The following CACNA2D3 variants were observed in gnomAD, a reference collection of about 807,000 sequenced individuals.
The protein encoded by CACNA2D3 is voltage-dependent calcium channel subunit alpha-2/delta-3.
In CACNA2D3, 60 loss-of-function variants were observed where a neutral mutation model predicts 160.6. The ratio of observed to expected loss-of-function variants is 0.37; its 90% CI spans 0.30 to 0.46. The LOEUF (loss-of-function observed/expected upper bound fraction) is 0.46, where lower values mean the gene tolerates loss of function less well. Among genes scored for constraint, CACNA2D3 ranks in the 20% least tolerant of loss-of-function variants. The pLI, the probability that CACNA2D3 is intolerant of heterozygous loss-of-function variation, is 1.00. For missense variants in CACNA2D3, 1,205 were observed against 1,365.0 expected (o/e 0.88, Z 1.85); for synonymous variants, 558 against 492.9 (o/e 1.13, Z -1.75).
intron 11 of CACNA2D3, among the ~76,000 whole-genome samples, chr3:54,687,418 A>G (rs1700487081): frequency 1.3e-5 from 2 of 150,826 alleles, no homozygotes; most frequent in Admixed American, 6.6e-5. Flanking sequence ...CCAATGTGCC[A>G]GGATTATAGG....
intron 4 of CACNA2D3, among the ~76,000 whole-genome samples, chr3:54,478,368 CA>C (rs1443809851): frequency 1.3e-5 from 2 of 151,916 alleles, no homozygotes; most frequent in African/African-American, 4.8e-5. Flanking sequence ...CGCAGTGGCT[CA>C]CACCTGTAAT....
At chr3:54,486,413 T>C (rs1001245868) in intron 4 of CACNA2D3, among the ~76,000 whole-genome samples, 3 of 152,216 alleles carry the variant, frequency 2.0e-5, no homozygotes, top group Non-Finnish European at 4.4e-5. Context: ...AAGTGTTCAC[T>C]GCAGTGTTGC....
intron 27 of CACNA2D3, among the ~76,000 whole-genome samples, chr3:54,926,383 T>A (rs891310077): frequency 1.3e-5 from 2 of 152,104 alleles, no homozygotes; most frequent in African/African-American, 4.8e-5. Flanking sequence ...AGAGCTGTGA[T>A]AAGGACCAAG....
intron 11 of CACNA2D3, among the ~76,000 whole-genome samples, chr3:54,743,286 T>C (rs1000600921): frequency 2.0e-5 from 3 of 152,290 alleles, no homozygotes; most frequent in Admixed American, 1.3e-4. Flanking sequence ...AAGAATATAC[T>C]GAGTATCATG....
At chr3:55,056,955 G>T (rs1704375798) in intron 35 of CACNA2D3, among the ~76,000 whole-genome samples, 1 of 152,166 alleles carries the variant, frequency 6.6e-6, no homozygotes, top group Non-Finnish European at 1.5e-5. Flanking sequence ...AATCTCAAAT[G>T]CTCTCACCAT....
At chr3:54,479,533 C>T (rs915224847) in intron 4 of CACNA2D3, among the ~76,000 whole-genome samples, 4 of 152,160 alleles carry the variant, frequency 2.6e-5, no homozygotes, top group Non-Finnish European at 5.9e-5. Flanking sequence ...TGTTGCCAGC[C>T]TTAACTCTTC....
intron 35 of CACNA2D3, among the ~76,000 whole-genome samples, chr3:55,019,072 A>G (rs1334575847): frequency 1.7e-5 from 2 of 115,284 alleles, no homozygotes; most frequent in Admixed American, 1.5e-4. Context: ...CACACAATGC[A>G]TAGAAATTTT....
chr3:54,326,383 GT>G (rs1252938427), intron 3 of CACNA2D3, among the ~76,000 whole-genome samples: 1 of 152,090 alleles, frequency 6.6e-6, no homozygotes, highest in Admixed American at 6.5e-5. Context: ...ATACATCAGT[GT>G]TTTTATGGGA....
chr3:54,588,077 A>G (rs1258704824), intron 9 of CACNA2D3, among the ~76,000 whole-genome samples: 1 of 152,236 alleles, frequency 6.6e-6, no homozygotes, highest in Admixed American at 6.5e-5. Context: ...ATTTCAGCAC[A>G]TCAAACCCAA....
At position 54,661,018 on chromosome 3, in the gene CACNA2D3, C is replaced by T. The variant is rs556170398; in HGVS notation, c.1167+18777C>T. ...GTCCAGAGTGAATCCTGCTGCCTGC[C>T]GCTTGCCGAGCCTTATTGGGAAGCA... On this transcript the variant is annotated intron_variant, in intron 11 of 37. Transcript: ENST00000474759. 9.2e-5 allele frequency among the ~76,000 whole-genome samples: 14 copies of T among 152,260 alleles called. No homozygotes were observed. The East Asian group carries it at 1.5e-3, about 17-fold the overall frequency.
intron 11 of CACNA2D3, among the ~76,000 whole-genome samples, chr3:54,706,615 C>A (rs1700861658): frequency 6.6e-6 from 1 of 152,168 alleles, no homozygotes; most frequent in Non-Finnish European, 1.5e-5. Flanking sequence ...GTAGACTGTA[C>A]CTTTTACTGA....
chr3:54,874,790 G>C (rs963980784), intron 18 of CACNA2D3: 4 of 152,214 alleles, frequency 2.6e-5, no homozygotes, highest in African/African-American at 4.8e-5. Context: ...CATGGAGAGA[G>C]CCCTTAAGTC....
chr3:54,904,613 T>C (rs1246191996), intron 27 of CACNA2D3, among the ~76,000 whole-genome samples: 1 of 152,250 alleles, frequency 6.6e-6, no homozygotes, highest in Non-Finnish European at 1.5e-5. Flanking sequence ...CATTTTGATT[T>C]CTTAGATAGT....
intron 4 of CACNA2D3, among the ~76,000 whole-genome samples, chr3:54,499,752 C>A (rs568552511): frequency 6.6e-6 from 1 of 151,872 alleles, no homozygotes; most frequent in Non-Finnish European, 1.5e-5. Flanking sequence ...GAGCAGACAC[C>A]GTATGATTTC....
intron 35 of CACNA2D3, among the ~76,000 whole-genome samples, chr3:55,062,968 G>T (rs980905978): frequency 5.3e-5 from 8 of 152,334 alleles, no homozygotes; most frequent in Middle Eastern, 3.4e-3. Context: ...TGGCAAAGTC[G>T]CTGTGAGCAT....
chr3:54,490,297 C>G (rs1179811920), intron 4 of CACNA2D3, among the ~76,000 whole-genome samples: 2 of 148,492 alleles, frequency 1.3e-5, no homozygotes, highest in Non-Finnish European at 3.0e-5. Flanking sequence ...GAGAAACAGT[C>G]CGAGACTCAG....
chr3:54,145,457 T>C (rs1700008861), intron 2 of CACNA2D3, among the ~76,000 whole-genome samples: 1 of 152,172 alleles, frequency 6.6e-6, no homozygotes. Context: ...AGAATTGCAG[T>C]TTTTTTCTTT....
chr3:54,805,416 A>T (rs141492687), intron 13 of CACNA2D3, among the ~76,000 whole-genome samples: 2 of 151,812 alleles, frequency 1.3e-5, no homozygotes, highest in Non-Finnish European at 2.9e-5. Flanking sequence ...AGAGAATACT[A>T]CAAACACCTC....
chr3:54,640,756 C>G (rs982993322), intron 10 of CACNA2D3, among the ~76,000 whole-genome samples: 1 of 152,186 alleles, frequency 6.6e-6, no homozygotes, highest in Non-Finnish European at 1.5e-5. Flanking sequence ...CTGACTTTCT[C>G]CCTATATGCC....
Sources: gnomAD v4.1 joint callset for allele counts (sites outside exome capture counted in the v4.1 genomes callset) on GRCh38, gnomAD v4.1.1 for gene constraint, MANE v1.5 for transcripts, NCBI Gene and HGNC (gene_info 2026-07-23, HGNC 2026-07-21) for gene names.